SLC30A8: variants seen among roughly 807,000 people sequenced by gnomAD.
SLC30A8 encodes proton-coupled zinc antiporter SLC30A8.
Under a neutral mutation model 36.9 loss-of-function variants are expected in SLC30A8, and 27 were observed. That is an observed-to-expected ratio of 0.73 (90% confidence interval 0.54 to 1.01). The LOEUF (loss-of-function observed/expected upper bound fraction) is 1.01. SLC30A8 is among the 50% of genes least tolerant of loss of function. The pLI is 0.00. For synonymous variants in SLC30A8, 164 were observed against 172.4 expected (o/e 0.95, Z 0.38); for missense variants, 439 against 452.0 (o/e 0.97, Z 0.26).
rs187243085 is a variant in SLC30A8, at chr8:117,141,631, T to C, written c.72-5323T>C. ...CTCTTTAGTGGTGATTTCTGAGATT[T>C]TGAAGCACCCATCACCTGAGCAGTG... On this transcript the variant is annotated intron_variant, in intron 1 of 7. Coordinates refer to ENST00000456015, the MANE Select transcript of SLC30A8 (RefSeq NM_173851.3). 2.8e-3 allele frequency among the ~76,000 whole-genome samples: 426 copies of C among 152,266 alleles called. 1 individual carries two copies. The highest frequency in any genetic ancestry group is 9.4e-3 in the African/African-American group (392 of 41,552).
intron 2 of SLC30A8, among the ~76,000 whole-genome samples, chr8:117,117,590 A>G (rs932991202): frequency 1.3e-5 from 2 of 152,020 alleles, no homozygotes; most frequent in Non-Finnish European, 2.9e-5. Flanking sequence ...ATTTCAGATG[A>G]ATCCCCCAGA....
chr8:117,094,214 C>T (rs1252929363), intron 2 of SLC30A8, among the ~76,000 whole-genome samples: 9 of 152,208 alleles, frequency 5.9e-5, no homozygotes, highest in Admixed American at 5.9e-4. Context: ...ATGTTTCAGC[C>T]CTGTTTGTGT....
chr8:117,041,582 C>T (rs781757012), intron 2 of SLC30A8, among the ~76,000 whole-genome samples: 1 of 151,948 alleles, frequency 6.6e-6, no homozygotes. Flanking sequence ...TTCAGCTACT[C>T]GGGAGGCTGA....
intron 1 of SLC30A8, among the ~76,000 whole-genome samples, chr8:116,966,894 A>G (rs1210752017): frequency 6.6e-6 from 1 of 152,220 alleles, no homozygotes; most frequent in Non-Finnish European, 1.5e-5. Context: ...TTTTCTAAAC[A>G]TGCATCTAAA....
chr8:116,950,275 G>A, upstream of SLC30A8: 1 of 167,712 alleles, frequency 6.0e-6, no homozygotes, highest in Non-Finnish European at 1.2e-5. Flanking sequence ...GGCTGCGAGG[G>A]CTGCCAGCAT....
intron 1 of SLC30A8, among the ~76,000 whole-genome samples, chr8:117,011,130 A>T (rs527355026): frequency 6.6e-5 from 10 of 152,340 alleles, no homozygotes; most frequent in African/African-American, 2.2e-4. Context: ...AGGGTAACTC[A>T]TAGGGAGAAA....
chr8:117,126,544 A>AG (rs1820910326), intron 2 of SLC30A8, among the ~76,000 whole-genome samples: 4 of 141,826 alleles, frequency 2.8e-5, no homozygotes, highest in Non-Finnish European at 6.1e-5. Flanking sequence ...TCATCCACCA[A>AG]CCCATCCATC....
At chr8:117,075,926 T>C (rs1818473566) in intron 2 of SLC30A8, among the ~76,000 whole-genome samples, 1 of 152,220 alleles carries the variant, frequency 6.6e-6, no homozygotes, top group Non-Finnish European at 1.5e-5. Flanking sequence ...GGACTACTTG[T>C]AGTTATTCAG....
At chr8:116,956,933 C>T (rs778619665) in intron 1 of SLC30A8, among the ~76,000 whole-genome samples, 21 of 152,120 alleles carry the variant, frequency 1.4e-4, no homozygotes, top group Non-Finnish European at 2.5e-4. Flanking sequence ...CTATCATTGG[C>T]TATGTGATCA....
At chr8:117,159,481 A>G (rs1262119531) in intron 4 of SLC30A8, among the ~76,000 whole-genome samples, 1 of 152,216 alleles carries the variant, frequency 6.6e-6, no homozygotes, top group Admixed American at 6.5e-5. Context: ...TCACTTACTC[A>G]GCTCTCAGTT....
chr8:117,018,336 A>G (rs968329607), intron 1 of SLC30A8: 10 of 152,240 alleles, frequency 6.6e-5, no homozygotes, highest in African/African-American at 2.4e-4. Context: ...TTAACATAAT[A>G]TATCAAAAAT....
At chr8:116,970,287 A>G (rs991719176) in intron 1 of SLC30A8, among the ~76,000 whole-genome samples, 1 of 152,188 alleles carries the variant, frequency 6.6e-6, no homozygotes, top group African/African-American at 2.4e-5. Flanking sequence ...AATAACACAC[A>G]TGGAACTGTC....
At chr8:116,987,198 G>T (rs1166515423) in intron 1 of SLC30A8, among the ~76,000 whole-genome samples, 2 of 150,762 alleles carry the variant, frequency 1.3e-5, no homozygotes, top group Non-Finnish European at 3.0e-5. Flanking sequence ...ATTAGGGGAA[G>T]GTTCTGTTAA....
At chr8:117,152,449 C>A (rs762473005) in intron 2 of SLC30A8, among the ~76,000 whole-genome samples, 3 of 151,998 alleles carry the variant, frequency 2.0e-5, no homozygotes, top group Non-Finnish European at 4.4e-5. Context: ...ATTTCAAGCT[C>A]AGGTGGATAA....
At chr8:116,968,137 T>C (rs1050839258) in intron 1 of SLC30A8, among the ~76,000 whole-genome samples, 5 of 152,150 alleles carry the variant, frequency 3.3e-5, no homozygotes, top group Non-Finnish European at 7.4e-5. Flanking sequence ...GTATTGTACT[T>C]GGCAAAATTT....
intron 1 of SLC30A8, among the ~76,000 whole-genome samples, chr8:117,035,531 G>T (rs1416836553): frequency 1.3e-5 from 2 of 152,246 alleles, no homozygotes; most frequent in Non-Finnish European, 2.9e-5. Flanking sequence ...TTTTCCAGGT[G>T]CAGGGTGCAA....
chr8:117,007,267 ATTAAAG>A (rs1816214702), intron 1 of SLC30A8, among the ~76,000 whole-genome samples: 1 of 152,136 alleles, frequency 6.6e-6, no homozygotes, highest in African/African-American at 2.4e-5. Context: ...TAGAGTATAA[ATTAAAG>A]TTATTCTTGT....
chr8:117,033,888 G>A (rs1357499413), intron 1 of SLC30A8, among the ~76,000 whole-genome samples: 1 of 152,138 alleles, frequency 6.6e-6, no homozygotes, highest in Non-Finnish European at 1.5e-5. Flanking sequence ...ATGTATTACT[G>A]AACTGCAAGG....
At chr8:116,964,513 C>T (rs1052495660) in intron 1 of SLC30A8, among the ~76,000 whole-genome samples, 2 of 152,146 alleles carry the variant, frequency 1.3e-5, no homozygotes, top group Non-Finnish European at 2.9e-5. Context: ...ATCTGGTGCA[C>T]GTGGAGCTTT....
Sources: gnomAD v4.1 joint callset for allele counts (sites outside exome capture counted in the v4.1 genomes callset) on GRCh38, gnomAD v4.1.1 for gene constraint, MANE v1.5 for transcripts, NCBI Gene and HGNC (gene_info 2026-07-23, HGNC 2026-07-21) for gene names.